The following SYN2 variants were observed in gnomAD, a reference collection of about 807,000 sequenced individuals.
SYN2 encodes synapsin II.
Under a neutral mutation model 50.9 loss-of-function variants are expected in SYN2, and 19 were observed. The ratio of observed to expected loss-of-function variants is 0.37; its 90% CI spans 0.26 to 0.55. The LOEUF (loss-of-function observed/expected upper bound fraction) is 0.55. SYN2 is among the 20% of genes least tolerant of loss of function. SYN2 has a pLI of 0.81. For synonymous variants in SYN2, 255 were observed against 224.9 expected (o/e 1.13, Z -1.20); for missense variants, 587 against 576.4 (o/e 1.02, Z -0.19).
intron 1 of SYN2, chr3:12,070,794 T>C: frequency 4.8e-6 from 3 of 630,654 alleles, no homozygotes; most frequent in Non-Finnish European, 9.0e-6. Context: ...GGGACCTGAC[T>C]GACTACCTCA....
rs1459015721 is a variant in SYN2, at chr3:12,004,690, G to A, written c.139G>A (p.Ala47Thr). Residue 47 changes from alanine (A) to threonine (T), a missense_variant, in exon 1 of 13, where the codon GCC (alanine) becomes ACC (threonine). Ala to Thr is a moderately conservative substitution (Grantham distance 58, BLOSUM62 0). Transcript: ENST00000621198. Reference sequence around the variant, plus strand: ...GCCCCCCGGTCCGGGCGCCGCCTCGGCCTCGGCGGCGCCCCCGACCGCCTC... The same window carrying A: ...GCCCCCCGGTCCGGGCGCCGCCTCGACCTCGGCGGCGCCCCCGACCGCCTC... ...PPPPGPGAAS[A>T]SAAPPTASPG... 2 of 180,470 alleles carry A rather than the reference G, an allele frequency of 1.1e-5. No individual in the cohort carries two copies. The highest frequency in any genetic ancestry group is 2.3e-5 in the Non-Finnish European group (2 of 88,242). The allele number at this position is 180,470 out of a possible 1,614,324, so 11.2% of individuals were successfully genotyped here.
At chr3:12,018,513 A>G (rs1260038303) in intron 1 of SYN2, among the ~76,000 whole-genome samples, 1 of 152,280 alleles carries the variant, frequency 6.6e-6, no homozygotes, top group East Asian at 1.9e-4. Flanking sequence ...CAACCATTTA[A>G]TAGACTTGTT....
chr3:12,172,555 A>G (rs1011922637), intron 10 of SYN2, among the ~76,000 whole-genome samples: 1 of 152,158 alleles, frequency 6.6e-6, no homozygotes, highest in African/African-American at 2.4e-5. Context: ...AGGACTCATG[A>G]CTCATTCCCC....
chr3:12,063,820 T>C (rs1695159572), intron 1 of SYN2, among the ~76,000 whole-genome samples: 1 of 151,848 alleles, frequency 6.6e-6, no homozygotes, highest in African/African-American at 2.4e-5. Context: ...TCCATACTGA[T>C]GCAAATAAAT....
At chr3:12,156,368 A>G (rs551419919) in intron 5 of SYN2, among the ~76,000 whole-genome samples, 1 of 152,282 alleles carries the variant, frequency 6.6e-6, no homozygotes, top group Non-Finnish European at 1.5e-5. Flanking sequence ...ATCCCAGCCA[A>G]TTCAGTATGG....
At chr3:12,037,849 A>G (rs1041953025) in intron 1 of SYN2, among the ~76,000 whole-genome samples, 2 of 152,132 alleles carry the variant, frequency 1.3e-5, no homozygotes, top group African/African-American at 4.8e-5. Context: ...ATTTTCTCCC[A>G]TTCTGTGGCT....
chr3:12,094,120 G>T (rs1695882053), intron 1 of SYN2, among the ~76,000 whole-genome samples: 2 of 152,126 alleles, frequency 1.3e-5, no homozygotes, highest in South Asian at 4.1e-4. Flanking sequence ...CTCCCAAAGT[G>T]CTAGGATTAC....
intron 11 of SYN2, 118 bp from the exon 12 acceptor site, chr3:12,187,251 C>G: frequency 4.4e-6 from 6 of 1,372,938 alleles, no homozygotes; most frequent in Non-Finnish European, 5.8e-6. Flanking sequence ...ACTCCAGCTT[C>G]TTGGAATAGA....
intron 1 of SYN2, chr3:12,071,360 C>G: frequency 1.2e-5 from 7 of 566,352 alleles, no homozygotes; most frequent in Non-Finnish European, 2.5e-5. Flanking sequence ...GCAAATGCTT[C>G]TAAATGGACC....
intron 10 of SYN2, among the ~76,000 whole-genome samples, chr3:12,178,378 T>C (rs1057126945): frequency 6.6e-6 from 1 of 152,222 alleles, no homozygotes; most frequent in African/African-American, 2.4e-5. Flanking sequence ...CTGCTGGGAC[T>C]TCAGGAGCTC....
At chr3:12,181,196 C>T (rs1004681070) in intron 10 of SYN2, among the ~76,000 whole-genome samples, 4 of 152,196 alleles carry the variant, frequency 2.6e-5, no homozygotes, top group Non-Finnish European at 5.9e-5. Flanking sequence ...CTTCTGTAAC[C>T]CTCTCTGGGA....
intron 1 of SYN2, among the ~76,000 whole-genome samples, chr3:12,024,894 C>G (rs894589322): frequency 6.6e-6 from 1 of 152,210 alleles, no homozygotes; most frequent in Non-Finnish European, 1.5e-5. Flanking sequence ...TTTACACTCC[C>G]ACCAGCAGTA....
At chr3:12,098,752 CAG>C (rs1352853157) in intron 1 of SYN2, among the ~76,000 whole-genome samples, 2 of 150,918 alleles carry the variant, frequency 1.3e-5, no homozygotes, top group East Asian at 3.9e-4. Flanking sequence ...ACTTAAAAAA[CAG>C]AATGACAGAA....
At chr3:12,147,066 C>A (rs35522627) in intron 4 of SYN2, among the ~76,000 whole-genome samples, 7,541 of 152,254 alleles carry the variant, frequency 0.05, 211 homozygotes, top group Non-Finnish European at 0.066. Context: ...ATGCAGTAAG[C>A]CCTTCTTGTT....
intron 1 of SYN2, among the ~76,000 whole-genome samples, chr3:12,027,939 T>A (rs1694297276): frequency 9.1e-6 from 1 of 110,022 alleles, no homozygotes; most frequent in African/African-American, 2.7e-5. Flanking sequence ...AGGAAAGAGG[T>A]TATAAGTAAT....
intron 1 of SYN2, among the ~76,000 whole-genome samples, chr3:12,086,625 A>C (rs1208104308): frequency 6.6e-6 from 1 of 152,206 alleles, no homozygotes; most frequent in Non-Finnish European, 1.5e-5. Flanking sequence ...CCACATCATC[A>C]TCTCGATAGA....
intron 1 of SYN2, among the ~76,000 whole-genome samples, chr3:12,127,286 A>G (rs954659613): frequency 2.6e-5 from 4 of 152,238 alleles, no homozygotes; most frequent in African/African-American, 9.6e-5. Flanking sequence ...GAACAGCACT[A>G]TCTGTCTTCA....
At chr3:12,051,114 G>A (rs1694851460) in intron 1 of SYN2, among the ~76,000 whole-genome samples, 1 of 152,152 alleles carries the variant, frequency 6.6e-6, no homozygotes, top group Non-Finnish European at 1.5e-5. Flanking sequence ...TTGACAGAAA[G>A]TCATTAGAAA....
At chr3:12,021,603 A>G (rs543125657) in intron 1 of SYN2, among the ~76,000 whole-genome samples, 311 of 152,170 alleles carry the variant, frequency 2.0e-3, no homozygotes, top group African/African-American at 6.4e-3. Context: ...ATTTTTAAAA[A>G]TGTGAAACGT....
Sources: gnomAD v4.1 joint callset for allele counts (sites outside exome capture counted in the v4.1 genomes callset) on GRCh38, gnomAD v4.1.1 for gene constraint, MANE v1.5 for transcripts, NCBI Gene and HGNC (gene_info 2026-07-23, HGNC 2026-07-21) for gene names.